The following IGFBP1 variants were observed in gnomAD, a reference collection of about 807,000 sequenced individuals.
IGFBP1 encodes insulin-like growth factor-binding protein 1.
In IGFBP1, 31 loss-of-function variants were observed where a neutral mutation model predicts 23.1. That is an observed-to-expected ratio of 1.34 (90% CI 1.01 to 1.81). IGFBP1 has a LOEUF of 1.81. Among genes scored for constraint, IGFBP1 ranks in the 40% most tolerant of loss-of-function variants. IGFBP1 has a pLI of 0.00. For synonymous variants in IGFBP1, 148 were observed against 145.5 expected, an observed-to-expected ratio of 1.02 and a Z score of -0.13; for missense variants, 333 against 342.2, an observed-to-expected ratio of 0.97 and a Z score of 0.21.
chr7:45,888,763 G>A lies in IGFBP1; in HGVS notation c.111G>A (p.Lys37=). The change falls in exon 1 of 4, where the codon AAG becomes AAA. Residue 37 remains lysine (K), a synonymous_variant. Transcript: ENST00000275525. The part of the protein sequence containing the change: ...PWQCAPCSAE[K]LALCPPVSAS... The stretch of plus-strand genomic sequence containing the variant: ...AGTGCGCGCCCTGCTCCGCCGAGAA[G>A]CTCGCGCTCTGCCCGCCGGTGTCCG... 6.3e-7 allele frequency: 1 copy of A among 1,575,984 alleles called. No individual in the cohort carries two copies. Among genetic ancestry groups the A allele is most frequent in the East Asian group, 2.3e-5 (1 of 43,578 alleles).
At chr7:45,892,258 C>T (rs1787091094) in intron 3 of IGFBP1, among the ~76,000 whole-genome samples, 198 bp downstream of exon 3, 1 of 152,180 alleles carries the variant, frequency 6.6e-6, no homozygotes, top group Non-Finnish European at 1.5e-5. Flanking sequence ...CAATATGTCA[C>T]CACCAGAGGT....
intron 2 of IGFBP1, 86 bp downstream of exon 2, chr7:45,890,803 C>A: frequency 1.8e-6 from 2 of 1,133,556 alleles, no homozygotes; most frequent in Non-Finnish European, 2.5e-6. Context: ...TGGCCCACTC[C>A]TTCCTGGTCC....
chr7:45,892,892 C>G, intron 3 of IGFBP1, 68 bp from the exon 4 acceptor site: 1 of 1,527,676 alleles, frequency 6.5e-7, no homozygotes, highest in Non-Finnish European at 9.0e-7. Flanking sequence ...AAAAAAGGGC[C>G]AGCTATGGCT....
At chr7:45,889,342 C>T (rs1787040410) in intron 1 of IGFBP1, among the ~76,000 whole-genome samples, 1 of 152,200 alleles carries the variant, frequency 6.6e-6, no homozygotes, top group African/African-American at 2.4e-5. Context: ...GGCGGTGGGG[C>T]TGCCTCCGCA....
intron 1 of IGFBP1, 138 bp downstream of exon 1, chr7:45,889,139 C>G (rs965103019): frequency 6.1e-6 from 4 of 657,176 alleles, no homozygotes; most frequent in Non-Finnish European, 9.6e-6. Context: ...GAAACCAGAG[C>G]ACGTAGTTGG....
At chr7:45,892,144 A>G in intron 3 of IGFBP1, 84 bp downstream of exon 3, 1 of 1,463,530 alleles carries the variant, frequency 6.8e-7, no homozygotes, top group South Asian at 1.3e-5. Context: ...ATTCATGTCA[A>G]AGAAGGTCCA....
At chr7:45,892,543 A>C (rs1435831749) in intron 3 of IGFBP1, among the ~76,000 whole-genome samples, 1 of 152,202 alleles carries the variant, frequency 6.6e-6, no homozygotes, top group Non-Finnish European at 1.5e-5. Flanking sequence ...CCAAGATTTC[A>C]TATTGAGGAG....
At chr7:45,892,891 C>T in intron 3 of IGFBP1, 69 bp from the exon 4 acceptor site, 3 of 1,518,848 alleles carry the variant, frequency 2.0e-6, no homozygotes, top group Non-Finnish European at 2.7e-6. Flanking sequence ...GAAAAAAGGG[C>T]CAGCTATGGC....
chr7:45,892,455 C>T (rs1472416182), intron 3 of IGFBP1, among the ~76,000 whole-genome samples: 2 of 152,206 alleles, frequency 1.3e-5, no homozygotes, highest in African/African-American at 4.8e-5. Flanking sequence ...GCTCTTAACA[C>T]TTTTTTCTCC....
At chr7:45,889,673 G>C (rs1346573119) in intron 1 of IGFBP1, among the ~76,000 whole-genome samples, 1 of 152,136 alleles carries the variant, frequency 6.6e-6, no homozygotes, top group Non-Finnish European at 1.5e-5. Context: ...TGTTTGTAGC[G>C]GGAAGTGGAG....
In IGFBP1 at chr7:45,890,680, C is replaced by T. The variant is rs368245176; in HGVS notation, c.482C>T (p.Ser161Leu). The change falls in exon 2 of 4, where the codon TCG becomes TTG. Residue 161 changes from serine (S) to leucine (L), a missense_variant. Transcript: ENST00000275525. ...GACGCCATCAGTACCTATGATGGCT[C>T]GAAGGCTCTCCATGTCACCAACATC... is the stretch of plus-strand genomic sequence containing the variant. ...LWDAISTYDG[S>L]KALHVTNIKK... The T allele has an allele frequency of 2.4e-5, 38 of 1,610,622 alleles. No homozygotes were observed. The highest frequency in any genetic ancestry group is 1.7e-4 in the Middle Eastern group (1 of 5,856).
intron 1 of IGFBP1, 61 bp downstream of exon 1, chr7:45,889,062 C>T (rs1358289738): frequency 3.1e-6 from 4 of 1,284,376 alleles, no homozygotes; most frequent in Admixed American, 4.9e-5. Context: ...CGGCACCTCC[C>T]GCCCCCACTC....
intron 1 of IGFBP1, among the ~76,000 whole-genome samples, chr7:45,889,214 GAGA>G (rs1176647314): frequency 6.6e-6 from 1 of 152,242 alleles, no homozygotes; most frequent in South Asian, 2.1e-4. Flanking sequence ...CGTGCTCTGG[GAGA>G]AGAAGGAAGA....
In IGFBP1 at chr7:45,892,125, G is replaced by C. The variant is rs558612069; in HGVS notation, c.648+65G>C. 8.3e-6 allele frequency: 13 copies of C among 1,563,040 alleles called. 1 individual carries two copies. In the South Asian group the frequency reaches 1.5e-4, roughly 18 times the overall value. On this transcript the variant is annotated intron_variant, in intron 3 of 3. Transcript: ENST00000275525. ...GACTACTGCCCTACATTCCTGCCAA[G>C]CCACGGTCATTCATGTCAAAGAAGG...
rs1053533634 is a variant in IGFBP1 at position 45,892,007 on chromosome 7, T to G, written c.595T>G (p.Ser199Ala). The G allele has an allele frequency of 6.2e-7, 1 of 1,614,172 alleles. No homozygotes were observed. Among genetic ancestry groups the G allele is most frequent in the Non-Finnish European group, 8.5e-7 (1 of 1,180,014 alleles). ...ACAGGAGACATCAGGAGAAGAAATT[T>G]CCAAATTTTACCTGCCAAACTGCAA... ...KAQETSGEEISKFYLPNCNKN... is the reference protein window; with the variant it reads ...KAQETSGEEIAKFYLPNCNKN... Residue 199 changes from serine to alanine, a missense_variant, in exon 3 of 4, where the codon TCC becomes GCC. Physicochemically the swap from Ser to Ala is moderately conservative, Grantham distance 99. Coordinates refer to ENST00000275525, the MANE Select transcript of IGFBP1 (RefSeq NM_000596.4).
Position 45,891,934 on chromosome 7 carries a change from G to A in IGFBP1, c.522G>A (p.Glu174=), listed in dbSNP as rs778342842. ...LHVTNIKKWK[E]PCRIELYRVV... ...CTAATGTCAAGTTATTCTCTTAGGA[G>A]CCCTGCCGAATAGAACTCTACAGAG... The change falls in exon 3 of 4, where the codon GAG becomes GAA. Residue 174 remains glutamate, a splice_region_variant and synonymous_variant. Coordinates refer to ENST00000275525, the MANE Select transcript of IGFBP1 (RefSeq NM_000596.4). The A allele has an allele frequency of 3.7e-6, 6 of 1,611,350 alleles. No homozygotes were observed. The highest frequency in any genetic ancestry group is 3.4e-5 in the Admixed American group (2 of 59,552).
At chr7:45,891,659 T>C (rs1787081588) in intron 2 of IGFBP1, among the ~76,000 whole-genome samples, 1 of 152,202 alleles carries the variant, frequency 6.6e-6, no homozygotes, top group South Asian at 2.1e-4. Context: ...GTGAGGCTCT[T>C]GCCAGGGGAT....
Position 45,889,100 on chromosome 7 carries a change from G to A in IGFBP1, c.349+99G>A, listed in dbSNP as rs927186141. 6.6e-6 allele frequency: 6 copies of A among 905,266 alleles called. No individual in the cohort carries two copies. The African/African-American group carries it at 7.1e-5, about 11-fold the overall frequency. 56.1% of individuals were successfully genotyped at this position (905,266 alleles called of 1,614,324 possible). The stretch of plus-strand genomic sequence containing the variant: ...CTAACTACTGGGTGGGGCTGCAGCC[G>A]GGCAGGGGCTTGTCCACAACTAGAG... On this transcript the variant is annotated intron_variant, in intron 1 of 3. Coordinates refer to ENST00000275525, the MANE Select transcript of IGFBP1 (RefSeq NM_000596.4).
At chr7:45,891,858 T>C (rs1787085228) in intron 2 of IGFBP1, 74 bp from the exon 3 acceptor site, 1 of 1,468,150 alleles carries the variant, frequency 6.8e-7, no homozygotes, top group East Asian at 2.3e-5. Flanking sequence ...ACAAAACCTC[T>C]TCCATCAGTC....
Sources: allele counts gnomAD v4.1 joint callset (sites outside exome capture counted in the v4.1 genomes callset), GRCh38; gene constraint gnomAD v4.1.1; transcripts MANE v1.5; gene names NCBI Gene and HGNC (gene_info 2026-07-23, HGNC 2026-07-21).